The following BRINP2 variants were observed in gnomAD, a reference collection of about 807,000 sequenced individuals.
BRINP2 encodes BMP/retinoic acid inducible neural specific 2, also known as BMP/retinoic acid-inducible neural-specific protein 2.
BRINP2 carries 21 observed loss-of-function variants against 69.2 expected under a neutral mutation model. The ratio of observed to expected loss-of-function variants is 0.30; its 90% CI spans 0.22 to 0.44. The LOEUF (loss-of-function observed/expected upper bound fraction) is 0.44, where lower values mean the gene tolerates loss of function less well. BRINP2 is among the 20% of genes least tolerant of loss of function. The probability of loss-of-function intolerance (pLI) is 1.00; values close to 1 mark genes in which losing one functional copy is unlikely to be tolerated. For missense variants in BRINP2, 877 were observed against 986.0 expected (o/e 0.89, Z 1.48); for synonymous variants, 380 against 394.1 (o/e 0.96, Z 0.42).
intron 4 of BRINP2, among the ~76,000 whole-genome samples, chr1:177,263,460 G>T (rs1220344287): frequency 6.6e-6 from 1 of 152,280 alleles, no homozygotes; most frequent in South Asian, 2.1e-4. Context: ...ACAAGGGAGC[G>T]CCTTCCTTAC....
chr1:177,181,394 C>T (rs1262374328), intron 1 of BRINP2, among the ~76,000 whole-genome samples: 1 of 152,216 alleles, frequency 6.6e-6, no homozygotes, highest in African/African-American at 2.4e-5. Flanking sequence ...ACATCAGGCC[C>T]AGCGGCAGCG....
At position 177,281,268 on chromosome 1, in the gene BRINP2, C is replaced by T. The variant is rs764207765; in HGVS notation, c.2092C>T (p.Arg698Trp). ...CCTGCCCTTTGACCCAGATGCTATC[C>T]GGGACTTAATTCTCCAGTTGGACTA... Reference protein sequence around the residue: ...YSLPFDPDAIRDLILQLDYPY... With the variant: ...YSLPFDPDAIWDLILQLDYPY... The change falls in exon 8 of 8, where the codon CGG (arginine) becomes TGG (tryptophan). Residue 698 changes from arginine (R) to tryptophan (W), a missense_variant. Transcript: ENST00000361539. The T allele has an allele frequency of 1.6e-5, 26 of 1,613,974 alleles. No individual in the cohort carries two copies. The highest frequency in any genetic ancestry group is 1.6e-5 in the Non-Finnish European group (19 of 1,180,024).
chr1:177,252,862 G>A (rs1018612098), intron 2 of BRINP2, among the ~76,000 whole-genome samples: 36 of 151,994 alleles, frequency 2.4e-4, no homozygotes, highest in African/African-American at 7.0e-4. Context: ...TTAACATTAC[G>A]TCCTCCAGGT....
Position 177,281,706 on chromosome 1 carries a change from G to A in BRINP2, c.*178G>A, listed in dbSNP as rs972075070. Reference sequence around the variant, plus strand: ...CGAGAGAGAAACAGCTACTGCGTGCGTGCGCGCACGCATACACACACACAC... The same window carrying A: ...CGAGAGAGAAACAGCTACTGCGTGCATGCGCGCACGCATACACACACACAC... On this transcript the variant is annotated 3_prime_UTR_variant, in exon 8 of 8. Coordinates refer to ENST00000361539, the MANE Select transcript of BRINP2 (RefSeq NM_021165.4). 30 of 702,006 alleles carry A rather than the reference G, an allele frequency of 4.3e-5. 1 individual carries two copies. The highest frequency in any genetic ancestry group is 3.1e-4 in the African/African-American group (17 of 55,386). The allele number at this position is 702,006 out of a possible 1,614,324, so 43.5% of individuals were successfully genotyped here.
chr1:177,193,749 A>G (rs1305953154), intron 1 of BRINP2, among the ~76,000 whole-genome samples: 3 of 152,212 alleles, frequency 2.0e-5, no homozygotes, highest in African/African-American at 7.2e-5. Context: ...TCTTTACAGC[A>G]GACACTGTTG....
intron 1 of BRINP2, among the ~76,000 whole-genome samples, chr1:177,183,657 T>C (rs1295787875): frequency 6.6e-6 from 1 of 152,172 alleles, no homozygotes; most frequent in Non-Finnish European, 1.5e-5. Flanking sequence ...AGCAAGCTTA[T>C]ATTCAAGAAA....
chr1:177,172,850 C>G (rs1450466950), intron 1 of BRINP2, among the ~76,000 whole-genome samples: 1 of 152,086 alleles, frequency 6.6e-6, no homozygotes, highest in South Asian at 2.1e-4. Context: ...TAATCTAGGC[C>G]TTATTCAGCA....
chr1:177,266,420 G>C lies in BRINP2; in HGVS notation c.670-7068G>C, dbSNP rs373190825. ...GCTGTTTGCTTTACTTGTAATGCTT[G>C]TCTGTTCACCTGAATGGCTCCCCCT... On this transcript the variant is annotated intron_variant, in intron 4 of 7. Coordinates refer to ENST00000361539, the MANE Select transcript of BRINP2 (RefSeq NM_021165.4). Among the ~76,000 whole-genome samples the C allele has an allele frequency of 9.4e-4, 143 of 152,018 alleles. 1 individual carries two copies. Among genetic ancestry groups the C allele is most frequent in the African/African-American group, 3.4e-3 (141 of 41,472 alleles).
rs906810265 is a variant in BRINP2, at chr1:177,278,641, T to A, written c.1091T>A (p.Met364Lys). Residue 364 changes from methionine (M) to lysine (K), a missense_variant, in exon 7 of 8, where the codon ATG (methionine) becomes AAG (lysine). Met to Lys is a moderately conservative substitution (Grantham distance 95, BLOSUM62 -1). Around this residue, in one of 3 missense-constraint regions of BRINP2, gnomAD observed 566 missense variants for 625.2 expected, o/e 0.91. Coordinates refer to ENST00000361539, the MANE Select transcript of BRINP2 (RefSeq NM_021165.4). ...ACAGCTATCTCCCAGTTCTGGGCCA[T>A]GGACACCAGCCTTCAGCACCGCTAC... The part of the protein sequence containing the change: ...NSTAISQFWA[M>K]DTSLQHRYQQ... 2.5e-6 allele frequency: 4 copies of A among 1,614,096 alleles called. No individual in the cohort carries two copies. The African/African-American group carries it at 5.3e-5, about 22-fold the overall frequency.
chr1:177,178,988 C>A (rs193105991), intron 1 of BRINP2, among the ~76,000 whole-genome samples: 71 of 152,234 alleles, frequency 4.7e-4, no homozygotes, highest in Admixed American at 1.2e-3. Context: ...CTCATTTGAT[C>A]CTATAAGGTA....
At chr1:177,270,090 GT>G (rs5778932) in intron 4 of BRINP2, among the ~76,000 whole-genome samples, 2,837 of 133,756 alleles carry the variant, frequency 0.021, 112 homozygotes, top group African/African-American at 0.072. Context: ...GGTGGGGGGG[GT>G]GGTTCTCAAG....
intron 4 of BRINP2, among the ~76,000 whole-genome samples, chr1:177,263,206 C>T (rs145151995): frequency 1.3e-5 from 2 of 152,210 alleles, no homozygotes; most frequent in East Asian, 3.9e-4. Context: ...GGGAAAGAGA[C>T]TAGAGCAAGT....
chr1:177,222,710 G>T lies in BRINP2; in HGVS notation c.-76-7091G>T, dbSNP rs547538978. 2.4e-3 allele frequency among the ~76,000 whole-genome samples: 353 copies of T among 150,196 alleles called. 3 individuals are homozygous for T. The highest frequency in any genetic ancestry group is 3.6e-3 in the South Asian group (17 of 4,726). ...TATTGTTATCTTAAAAAAAAAAAAA[G>T]AAAAAGAAAAAAACAAACAAAAAAA... On this transcript the variant is annotated intron_variant, in intron 1 of 7. Transcript: ENST00000361539.
At chr1:177,269,846 G>A (rs1651248320) in intron 4 of BRINP2, among the ~76,000 whole-genome samples, 1 of 152,164 alleles carries the variant, frequency 6.6e-6, no homozygotes, top group Admixed American at 6.5e-5. Context: ...GCTTTCTCAA[G>A]GCAGGATGGT....
intron 1 of BRINP2, among the ~76,000 whole-genome samples, chr1:177,212,775 C>T (rs1213106914): frequency 6.6e-6 from 1 of 152,038 alleles, no homozygotes; most frequent in African/African-American, 2.4e-5. Context: ...TTGTCACACA[C>T]AAAAAAATGT....
intron 5 of BRINP2, among the ~76,000 whole-genome samples, chr1:177,274,556 T>C (rs1368974622): frequency 6.6e-6 from 1 of 152,206 alleles, no homozygotes; most frequent in African/African-American, 2.4e-5. Flanking sequence ...TGTCCCTGGA[T>C]GGGCTGGGTT....
intron 1 of BRINP2, among the ~76,000 whole-genome samples, chr1:177,181,611 G>A (rs74909855): frequency 0.012 from 1,837 of 152,332 alleles, 35 homozygotes; most frequent in African/African-American, 0.041. Flanking sequence ...TAAGCACGCA[G>A]TGAGGACTGT....
Position 177,278,650 on chromosome 1 carries a change from G to A in BRINP2, c.1100G>A (p.Ser367Asn). ...AISQFWAMDT[S>N]LQHRYQQLGA... ...TCCCAGTTCTGGGCCATGGACACCA[G>A]CCTTCAGCACCGCTACCAGCAGCTG... The change falls in exon 7 of 8, where the codon AGC becomes AAC. Residue 367 changes from serine (S) to asparagine (N), a missense_variant. Coordinates refer to ENST00000361539, the MANE Select transcript of BRINP2 (RefSeq NM_021165.4). 2.5e-6 allele frequency: 4 copies of A among 1,614,232 alleles called. No homozygotes were observed. Among genetic ancestry groups the A allele is most frequent in the Non-Finnish European group, 3.4e-6 (4 of 1,180,038 alleles).
chr1:177,196,950 C>A (rs56838476), intron 1 of BRINP2, among the ~76,000 whole-genome samples: 1,799 of 152,248 alleles, frequency 0.012, 34 homozygotes, highest in African/African-American at 0.042. Context: ...CCAGTCCCCC[C>A]AGTTCATATG....
Sources: gnomAD v4.1 joint callset for allele counts (sites outside exome capture counted in the v4.1 genomes callset) on GRCh38, gnomAD v4.1.1 for gene constraint, gnomAD v4.1.1 regional missense constraint, MANE v1.5 for transcripts, NCBI Gene and HGNC (gene_info 2026-07-23, HGNC 2026-07-21) for gene names.